CRACDL: variants seen among roughly 807,000 people sequenced by gnomAD.
The protein encoded by CRACDL is CRACD like, also known as CRACD-like protein.
In CRACDL, 26 loss-of-function variants were observed where a neutral mutation model predicts 70.6. That is an observed-to-expected ratio of 0.37 (90% CI 0.27 to 0.51). The LOEUF is 0.51. Ranked by LOEUF, CRACDL falls within the 20% of genes least tolerant of loss-of-function variation. CRACDL has a pLI of 0.94. For missense variants in CRACDL, 1,283 were observed against 1,376.9 expected (o/e 0.93, Z 1.08); for synonymous variants, 618 against 615.2 (o/e 1.00, Z -0.07).
chr2:98,860,188 T>C lies in CRACDL; in HGVS notation c.-10-13378A>G, dbSNP rs564586968. On this transcript the variant is annotated intron_variant, in intron 1 of 9. Transcript: ENST00000397899. ...TGGAAAGATATCCTGTGTTCATAAA[T>C]CAGAAGACAATATTATTAAATGGCA... Among the ~76,000 whole-genome samples the C allele has an allele frequency of 2.0e-5, 3 of 152,260 alleles. No homozygotes were observed. The South Asian group carries it at 6.2e-4, about 32-fold the overall frequency.
At chr2:98,852,715 A>C (rs1706530095) in intron 1 of CRACDL, among the ~76,000 whole-genome samples, 1 of 152,168 alleles carries the variant, frequency 6.6e-6, no homozygotes, top group South Asian at 2.1e-4. Context: ...TTAACAGCAG[A>C]TTGAAGACAT....
intron 1 of CRACDL, among the ~76,000 whole-genome samples, chr2:98,929,983 G>C (rs979542721): frequency 1.3e-5 from 2 of 152,044 alleles, no homozygotes; most frequent in African/African-American, 2.4e-5. Context: ...TTGTATGCAC[G>C]GGACCAGTTA....
In CRACDL at chr2:98,883,644, C is replaced by T. The variant is rs189156460; in HGVS notation, c.-10-36834G>A. Among the ~76,000 whole-genome samples, 1,028 of 152,210 alleles carry T rather than the reference C, an allele frequency of 6.8e-3. 6 individuals are homozygous for T. Among genetic ancestry groups the T allele is most frequent in the Middle Eastern group, 0.044 (13 of 294 alleles). ...TTGTATAAAGCTAACACAGCCAGTG[C>T]AACGAACCAGAGATGACAAATTTCT... On this transcript the variant is annotated intron_variant, in intron 1 of 9. Transcript: ENST00000397899.
Position 98,794,270 on chromosome 2 carries a change from A to G in CRACDL, c.*262T>C. 1 of 341,090 alleles carries G rather than the reference A, an allele frequency of 2.9e-6. No homozygotes were observed. Among genetic ancestry groups the G allele is most frequent in the Non-Finnish European group, 5.3e-6 (1 of 188,856 alleles). The allele number at this position is 341,090 out of a possible 1,614,324, so 21.1% of individuals were successfully genotyped here. A position where few individuals can be genotyped will look rare whatever the true frequency, so the allele number is the denominator to read the frequency against. ...TTCTTTATCAAGGGAATTCGAAAAG[A>G]CACATTCGTACCTTTGGGCACAGGA... is the stretch of plus-strand genomic sequence containing the variant. On this transcript the variant is annotated 3_prime_UTR_variant, in exon 10 of 10. Transcript: ENST00000397899.
rs182728928 is a variant in CRACDL, at chr2:98,832,838, C to T, written c.375+24G>A. On this transcript the variant is annotated intron_variant, in intron 4 of 9. Coordinates refer to ENST00000397899, the MANE Select transcript of CRACDL (RefSeq NM_207362.3). ...ATGGATATTTGACTTGCACACCAGG[C>T]GACATGACCAAGGAAACATTTACCT... 218 of 1,612,770 alleles carry T rather than the reference C, an allele frequency of 1.4e-4. No homozygotes were observed. The African/African-American group carries it at 2.2e-3, about 16-fold the overall frequency.
In CRACDL at chr2:98,794,491, T is replaced by C; in HGVS notation, c.*41A>G. On this transcript the variant is annotated 3_prime_UTR_variant, in exon 10 of 10. Coordinates refer to ENST00000397899, the MANE Select transcript of CRACDL (RefSeq NM_207362.3). ...CACTGGCAGTTTTTAACTAAGTGGCTTGTCAGGGTAGTGGACATGCTTTAT... is the reference window on the plus strand; with the variant it reads ...CACTGGCAGTTTTTAACTAAGTGGCCTGTCAGGGTAGTGGACATGCTTTAT... 1 of 1,577,232 alleles carries C rather than the reference T, an allele frequency of 6.3e-7. No individual in the cohort carries two copies. Among genetic ancestry groups the C allele is most frequent in the East Asian group, 2.3e-5 (1 of 44,332 alleles).
intron 1 of CRACDL, among the ~76,000 whole-genome samples, chr2:98,915,076 G>T (rs1175885246): frequency 6.6e-6 from 1 of 152,196 alleles, no homozygotes; most frequent in Non-Finnish European, 1.5e-5. Flanking sequence ...TGAGGGGGTT[G>T]GCAAAGGCTG....
At chr2:98,841,431 C>G (rs1706021847) in intron 2 of CRACDL, among the ~76,000 whole-genome samples, 1 of 152,054 alleles carries the variant, frequency 6.6e-6, no homozygotes, top group African/African-American at 2.4e-5. Context: ...TTATACTACA[C>G]ATTTGATTAC....
intron 2 of CRACDL, among the ~76,000 whole-genome samples, chr2:98,843,646 T>A (rs1706128599): frequency 6.6e-6 from 1 of 152,218 alleles, no homozygotes; most frequent in African/African-American, 2.4e-5. Context: ...TGAATTGATT[T>A]TGCAATTTTG....
At chr2:98,904,949 G>T (rs1166276574) in intron 1 of CRACDL, among the ~76,000 whole-genome samples, 1 of 152,180 alleles carries the variant, frequency 6.6e-6, no homozygotes, top group Non-Finnish European at 1.5e-5. Flanking sequence ...AGATCTGGCT[G>T]TTTAAGAGAG....
intron 1 of CRACDL, among the ~76,000 whole-genome samples, chr2:98,848,489 C>G (rs7565736): frequency 0.36 from 54,801 of 152,032 alleles, 10,398 homozygotes; most frequent in African/African-American, 0.47. Flanking sequence ...TCTCCTGAGG[C>G]TGCCACTGAG....
chr2:98,822,706 C>T lies in CRACDL; in HGVS notation c.1567G>A (p.Val523Met), dbSNP rs1705121958. 7.1e-6 allele frequency: 9 copies of T among 1,262,578 alleles called. No individual in the cohort carries two copies. In the Middle Eastern group the frequency reaches 9.1e-4, roughly 127 times the overall value. The allele number at this position is 1,262,578 out of a possible 1,614,324, so 78.2% of individuals were successfully genotyped here. Reference sequence around the variant, plus strand: ...TCGAGGGAACCGGGGCCGGGCTCCACCGGGGGAGACTCCGCAGCGGCAAGC... The same window carrying T: ...TCGAGGGAACCGGGGCCGGGCTCCATCGGGGGAGACTCCGCAGCGGCAAGC... ...PPLAAAESPP[V>M]EPGPGSLDAE... The change falls in exon 7 of 10, where the codon GTG becomes ATG. Residue 523 changes from valine (V) to methionine (M), a missense_variant. Physicochemically the swap from Val to Met is conservative, Grantham distance 21 (BLOSUM62 1). Around this residue, in one of 2 missense-constraint regions of CRACDL, gnomAD observed 921 missense variants for 881.9 expected, o/e 1.04. Transcript: ENST00000397899. The surrounding 1 kb of genome is among the most constrained non-coding windows in gnomAD (Gnocchi z 4.9).
intron 1 of CRACDL, among the ~76,000 whole-genome samples, chr2:98,918,732 C>T (rs2104689025): frequency 6.6e-6 from 1 of 151,898 alleles, no homozygotes; most frequent in Admixed American, 6.6e-5. Flanking sequence ...ATTCGTGTGT[C>T]TTCTTTTGAA....
chr2:98,832,424 G>A lies in CRACDL; in HGVS notation c.464C>T (p.Ser155Phe). The change falls in exon 5 of 10, where the codon TCT (serine) becomes TTT (phenylalanine). Residue 155 changes from serine (S) to phenylalanine (F), a missense_variant. By Grantham distance (155) the Ser-to-Phe change is radical (BLOSUM62 -2). Around this residue, in one of 2 missense-constraint regions of CRACDL, gnomAD observed 362 missense variants for 495.0 expected, o/e 0.73. Transcript: ENST00000397899. ...GCTCCTGGGCAGCCCGTCGTCCTCAGAGCTCATGCCGGCATCCTCTCCCCG... is the reference window on the plus strand; with the variant it reads ...GCTCCTGGGCAGCCCGTCGTCCTCAAAGCTCATGCCGGCATCCTCTCCCCG... Reference protein sequence around the residue: ...AKRGEDAGMSSEDDGLPRSPP... With the variant: ...AKRGEDAGMSFEDDGLPRSPP... 6.2e-7 allele frequency: 1 copy of A among 1,614,160 alleles called. No homozygotes were observed. The highest frequency in any genetic ancestry group is 8.5e-7 in the Non-Finnish European group (1 of 1,180,016).
chr2:98,882,177 G>A (rs1707670829), intron 1 of CRACDL, among the ~76,000 whole-genome samples: 1 of 152,222 alleles, frequency 6.6e-6, no homozygotes, highest in South Asian at 2.1e-4. Flanking sequence ...AGGCCACTTA[G>A]GCTGCATTTC....
At chr2:98,929,181 C>T (rs1045235827) in intron 1 of CRACDL, among the ~76,000 whole-genome samples, 3 of 152,164 alleles carry the variant, frequency 2.0e-5, no homozygotes, top group South Asian at 2.1e-4. Context: ...ATAGAAACTC[C>T]GGAGCCAGGA....
At chr2:98,864,171 T>C (rs1707042574) in intron 1 of CRACDL, among the ~76,000 whole-genome samples, 1 of 152,200 alleles carries the variant, frequency 6.6e-6, no homozygotes, top group Admixed American at 6.5e-5. Flanking sequence ...TATCCATCTC[T>C]GGATAGATAG....
chr2:98,913,403 G>A (rs998994733), intron 1 of CRACDL, among the ~76,000 whole-genome samples: 2 of 152,194 alleles, frequency 1.3e-5, no homozygotes, highest in African/African-American at 4.8e-5. Flanking sequence ...AGCGGGGCAG[G>A]TCCCTGGGCA....
chr2:98,928,528 G>C (rs1041167994), intron 1 of CRACDL, among the ~76,000 whole-genome samples: 1 of 152,088 alleles, frequency 6.6e-6, no homozygotes. Flanking sequence ...GGCCCTCCCT[G>C]CTGGCTGGCC....
Sources: gnomAD v4.1 joint callset for allele counts (sites outside exome capture counted in the v4.1 genomes callset) on GRCh38, gnomAD v4.1.1 for gene constraint, gnomAD v4.1.1 regional missense constraint, Gnocchi (gnomAD v3.1) non-coding constraint, MANE v1.5 for transcripts, NCBI Gene and HGNC (gene_info 2026-07-23, HGNC 2026-07-21) for gene names.